The following PTPRD variants were observed in gnomAD, a reference collection of about 807,000 sequenced individuals.
PTPRD encodes protein tyrosine phosphatase receptor type D, also known as receptor-type tyrosine-protein phosphatase delta.
Under a neutral mutation model 214.5 loss-of-function variants are expected in PTPRD, and 34 were observed. The ratio of observed to expected loss-of-function variants is 0.16; its 90% confidence interval spans 0.12 to 0.21. The LOEUF (loss-of-function observed/expected upper bound fraction) is 0.21, where lower values mean the gene tolerates loss of function less well. Ranked by LOEUF, PTPRD falls within the 10% of genes least tolerant of loss-of-function variation. The pLI, the probability that PTPRD is intolerant of heterozygous loss-of-function variation, is 1.00. For missense variants in PTPRD, 2,545 were observed against 2,398.7 expected (o/e 1.06, Z -1.27); for synonymous variants, 1,128 against 845.7 (o/e 1.33, Z -5.79).
intron 7 of PTPRD, among the ~76,000 whole-genome samples, chr9:9,604,026 T>A (rs1357293981): frequency 6.6e-6 from 1 of 152,098 alleles, no homozygotes; most frequent in Non-Finnish European, 1.5e-5. Flanking sequence ...AATATACTAC[T>A]TTTAACTAAA....
chr9:9,718,477 A>T (rs1291984450), intron 7 of PTPRD, among the ~76,000 whole-genome samples: 4 of 152,114 alleles, frequency 2.6e-5, no homozygotes, highest in Admixed American at 1.3e-4. Flanking sequence ...CGCCCAACTA[A>T]ATAGTGAGGT....
intron 9 of PTPRD, among the ~76,000 whole-genome samples, chr9:9,314,970 C>T (rs181965067): frequency 6.6e-6 from 1 of 152,090 alleles, no homozygotes; most frequent in East Asian, 1.9e-4. Context: ...TCTTGCCTTT[C>T]TGCTCATTCC....
At chr9:9,855,439 G>C (rs2061369486) in intron 5 of PTPRD, among the ~76,000 whole-genome samples, 1 of 152,142 alleles carries the variant, frequency 6.6e-6, no homozygotes. Context: ...GAAACAAAAA[G>C]GAGAGGCTAG....
chr9:8,519,152 A>T (rs1317717058), intron 20 of PTPRD, among the ~76,000 whole-genome samples: 1 of 152,198 alleles, frequency 6.6e-6, no homozygotes, highest in East Asian at 1.9e-4. Flanking sequence ...AATATTTAAA[A>T]ATTGCTGAAG....
chr9:9,337,597 T>TG (rs1223858337), intron 9 of PTPRD, among the ~76,000 whole-genome samples: 2 of 152,172 alleles, frequency 1.3e-5, no homozygotes, highest in East Asian at 3.9e-4. Flanking sequence ...TACCTTTAAG[T>TG]GATGGACAAC....
At chr9:8,367,285 G>A (rs1237689132) in intron 39 of PTPRD, among the ~76,000 whole-genome samples, 1 of 151,794 alleles carries the variant, frequency 6.6e-6, no homozygotes, top group Non-Finnish European at 1.5e-5. Context: ...CAATAATTCT[G>A]CCAAAATTAA....
intron 2 of PTPRD, among the ~76,000 whole-genome samples, chr9:10,601,194 C>A (rs1020441516): frequency 6.6e-6 from 1 of 151,254 alleles, no homozygotes; most frequent in African/African-American, 2.4e-5. Context: ...GCAGAAAAAA[C>A]GAATAGAGTA....
intron 4 of PTPRD, among the ~76,000 whole-genome samples, chr9:10,000,665 C>T (rs572467267): frequency 6.6e-6 from 1 of 152,296 alleles, no homozygotes; most frequent in South Asian, 2.1e-4. Flanking sequence ...ATAAAAACAG[C>T]TCCCGAAACA....
rs202194190 is a variant in PTPRD at position 8,911,887 on chromosome 9, GA to G, written c.-104+106809del. ...AGACATTTTATCAAAGAAGATATAT[GA>G]ATGATTAATAAAAAAATTCTCGCTT... On this transcript the variant is annotated intron_variant, in intron 11 of 45. Coordinates refer to ENST00000381196, the MANE Select transcript of PTPRD (RefSeq NM_002839.4). 6.0e-3 allele frequency among the ~76,000 whole-genome samples: 914 copies of G among 152,176 alleles called. 11 individuals carry two copies. Among genetic ancestry groups the G allele is most frequent in the African/African-American group, 0.021 (865 of 41,520 alleles).
chr9:10,088,759 G>A (rs2098391195), intron 3 of PTPRD, among the ~76,000 whole-genome samples: 2 of 151,652 alleles, frequency 1.3e-5, no homozygotes, highest in Non-Finnish European at 2.9e-5. Flanking sequence ...TCAGTCTGGT[G>A]TAATATACAT....
chr9:9,719,166 A>G (rs1045740998), intron 7 of PTPRD, among the ~76,000 whole-genome samples: 77 of 152,220 alleles, frequency 5.1e-4, no homozygotes, highest in African/African-American at 1.8e-3. Context: ...ACTCAGCCAG[A>G]TCCAGAGACT....
At chr9:9,750,895 G>A (rs533766208) in intron 6 of PTPRD, among the ~76,000 whole-genome samples, 1 of 152,172 alleles carries the variant, frequency 6.6e-6, no homozygotes, top group African/African-American at 2.4e-5. Context: ...ATGAAATGGA[G>A]GTGCTCAGGG....
chr9:8,789,651 C>G (rs1390212789), intron 11 of PTPRD, among the ~76,000 whole-genome samples: 1 of 151,724 alleles, frequency 6.6e-6, no homozygotes, highest in African/African-American at 2.4e-5. Flanking sequence ...TTTTAAACTG[C>G]TAGTACCTTA....
In PTPRD at chr9:9,788,990, T is replaced by G. The variant is rs117116622; in HGVS notation, c.-367-22139A>C. Among the ~76,000 whole-genome samples the G allele has an allele frequency of 3.3e-5, 5 of 152,312 alleles. No individual in the cohort carries two copies. The East Asian group carries it at 7.7e-4, about 24-fold the overall frequency. On this transcript the variant is annotated intron_variant, in intron 5 of 45. Coordinates refer to ENST00000381196, the MANE Select transcript of PTPRD (RefSeq NM_002839.4). The stretch of plus-strand genomic sequence containing the variant: ...ACTTTCAAAAATTGATTCAAAGTCC[T>G]TCATTAAGTTTATGTCTATATTTCA...
intron 8 of PTPRD, among the ~76,000 whole-genome samples, chr9:9,407,520 G>A (rs554161744): frequency 6.6e-6 from 1 of 151,844 alleles, no homozygotes; most frequent in East Asian, 1.9e-4. Context: ...AATAGGATAT[G>A]AAGAAATTTT....
At chr9:8,382,427 C>T (rs956547989) in intron 37 of PTPRD, among the ~76,000 whole-genome samples, 8 of 152,184 alleles carry the variant, frequency 5.3e-5, no homozygotes, top group Non-Finnish European at 1.0e-4. Context: ...TGCATCTCCT[C>T]CTCCCATTCC....
chr9:9,418,738 G>C (rs995896515), intron 8 of PTPRD, among the ~76,000 whole-genome samples: 12 of 151,906 alleles, frequency 7.9e-5, no homozygotes, highest in African/African-American at 2.7e-4. Flanking sequence ...ATATGGATTA[G>C]ACATAGTCTT....
At chr9:9,909,918 T>C (rs72692731) in intron 5 of PTPRD, among the ~76,000 whole-genome samples, 12,513 of 151,996 alleles carry the variant, frequency 0.082, 631 homozygotes, top group South Asian at 0.19. Flanking sequence ...ATATTCTTTG[T>C]AATACCTATA....
intron 2 of PTPRD, among the ~76,000 whole-genome samples, chr9:10,583,721 G>A (rs1237211555): frequency 6.6e-6 from 1 of 151,968 alleles, no homozygotes; most frequent in East Asian, 1.9e-4. Context: ...CTCGTGATGC[G>A]CCTGCCTCGG....
Sources: gnomAD v4.1 joint callset for allele counts (sites outside exome capture counted in the v4.1 genomes callset) on GRCh38, gnomAD v4.1.1 for gene constraint, MANE v1.5 for transcripts, NCBI Gene and HGNC (gene_info 2026-07-23, HGNC 2026-07-21) for gene names.